MINDY4: variants seen among roughly 807,000 people sequenced by gnomAD.
The protein encoded by MINDY4 is probable ubiquitin carboxyl-terminal hydrolase MINDY-4.
In MINDY4, 68 loss-of-function variants were observed where a neutral mutation model predicts 87.0. That is an observed-to-expected ratio of 0.78 (90% confidence interval 0.64 to 0.96). The LOEUF (loss-of-function observed/expected upper bound fraction) is 0.96, where lower values mean the gene tolerates loss of function less well. Among genes scored for constraint, MINDY4 ranks in the 40% least tolerant of loss-of-function variants. The pLI is 0.00. For synonymous variants in MINDY4, 379 were observed against 363.2 expected, an observed-to-expected ratio of 1.04 and a Z score of -0.50; for missense variants, 919 against 928.2, an observed-to-expected ratio of 0.99 and a Z score of 0.13.
chr7:30,777,633 G>T, intron 1 of MINDY4, among the ~76,000 whole-genome samples: 1 of 151,934 alleles, frequency 6.6e-6, no homozygotes, highest in East Asian at 1.9e-4. Context: ...CTCTGGGAGA[G>T]GCTGAAGCCT....
At position 30,850,649 on chromosome 7, in the gene MINDY4, C is replaced by T. The variant is rs1371753075; in HGVS notation, c.1547+94C>T. 32 of 1,107,348 alleles carry T rather than the reference C, an allele frequency of 2.9e-5. No individual in the cohort carries two copies. In the East Asian group the frequency reaches 5.2e-4, roughly 18 times the overall value. The allele number at this position is 1,107,348 out of a possible 1,614,324, so 68.6% of individuals were successfully genotyped here. ...GTATGCTCCTATCCTTGGGTCCTTCCGTTACCCACCCTGTGCCACATGCTG... is the reference window on the plus strand; with the variant it reads ...GTATGCTCCTATCCTTGGGTCCTTCTGTTACCCACCCTGTGCCACATGCTG... On this transcript the variant is annotated intron_variant, in intron 10 of 17. Coordinates refer to ENST00000265299, the MANE Select transcript of MINDY4 (RefSeq NM_032222.3).
intron 14 of MINDY4, among the ~76,000 whole-genome samples, chr7:30,874,474 A>C (rs1011318695): frequency 6.6e-6 from 1 of 152,206 alleles, no homozygotes; most frequent in Non-Finnish European, 1.5e-5. Flanking sequence ...GTTATCCTGC[A>C]TAAGGAAGGG....
chr7:30,875,927 TG>T (rs1334278589), intron 15 of MINDY4, among the ~76,000 whole-genome samples: 14 of 152,152 alleles, frequency 9.2e-5, no homozygotes, highest in African/African-American at 2.9e-4. Context: ...TGGGTCACAG[TG>T]GCTGCAGCTG....
chr7:30,777,084 A>G (rs943497909), intron 1 of MINDY4, among the ~76,000 whole-genome samples: 5 of 149,154 alleles, frequency 3.4e-5, no homozygotes, highest in Admixed American at 6.7e-5. Context: ...ATCATAGCTC[A>G]CTGTGGCCTT....
At chr7:30,850,163 C>T (rs1011946168) in intron 9 of MINDY4, among the ~76,000 whole-genome samples, 1 of 152,206 alleles carries the variant, frequency 6.6e-6, no homozygotes, top group Non-Finnish European at 1.5e-5. Context: ...TTCTGGGCCC[C>T]ACCAAGCCTG....
intron 5 of MINDY4, among the ~76,000 whole-genome samples, chr7:30,803,785 A>G (rs576786451): frequency 1.3e-5 from 2 of 152,260 alleles, no homozygotes; most frequent in Admixed American, 6.5e-5. Flanking sequence ...GTGTTTTTCT[A>G]CGGCCTGCAT....
intron 7 of MINDY4, among the ~76,000 whole-genome samples, chr7:30,838,294 G>C (rs1161885892): frequency 6.6e-6 from 1 of 152,148 alleles, no homozygotes; most frequent in Non-Finnish European, 1.5e-5. Context: ...GTCTGGAGAA[G>C]ACAGCCGTGA....
chr7:30,878,716 A>C (rs116792637), intron 15 of MINDY4, among the ~76,000 whole-genome samples: 9 of 152,328 alleles, frequency 5.9e-5, no homozygotes, highest in African/African-American at 2.2e-4. Context: ...TGCCATCTTC[A>C]TGAAGGGACC....
intron 8 of MINDY4, among the ~76,000 whole-genome samples, chr7:30,840,254 C>T (rs1041553630): frequency 6.6e-6 from 1 of 152,204 alleles, no homozygotes; most frequent in Non-Finnish European, 1.5e-5. Flanking sequence ...GACAAAGATA[C>T]ACCTAATGTG....
chr7:30,773,539 A>T (rs1185654915), intron 1 of MINDY4, among the ~76,000 whole-genome samples: 1 of 151,972 alleles, frequency 6.6e-6, no homozygotes, highest in Admixed American at 6.5e-5. Flanking sequence ...ACTTGAACTC[A>T]CCAAGTGTGG....
intron 5 of MINDY4, among the ~76,000 whole-genome samples, chr7:30,809,153 C>T (rs1238002492): frequency 6.6e-6 from 1 of 152,128 alleles, no homozygotes; most frequent in Non-Finnish European, 1.5e-5. Flanking sequence ...CCCTATAACA[C>T]TCCAGTACCA....
At chr7:30,865,629 G>A (rs1363315326) in intron 13 of MINDY4, among the ~76,000 whole-genome samples, 1 of 152,232 alleles carries the variant, frequency 6.6e-6, no homozygotes, top group Non-Finnish European at 1.5e-5. Context: ...GAATCTGGAG[G>A]CTTAGCCTCA....
chr7:30,892,147 G>T lies in MINDY4; in HGVS notation c.*142G>T, dbSNP rs141610593. On this transcript the variant is annotated 3_prime_UTR_variant, in exon 18 of 18. Coordinates refer to ENST00000265299, the MANE Select transcript of MINDY4 (RefSeq NM_032222.3). ...CTGCAGAAGCATCCAGAGCCTCCCT[G>T]CCCCTTCCATGAAGGGCCCACCCAA... is the stretch of plus-strand genomic sequence containing the variant. The T allele has an allele frequency of 2.1e-5, 18 of 853,166 alleles. No homozygotes were observed. In the East Asian group the frequency reaches 4.0e-4, roughly 19 times the overall value. The allele number at this position is 853,166 out of a possible 1,614,324, so 52.8% of individuals were successfully genotyped here.
intron 15 of MINDY4, among the ~76,000 whole-genome samples, chr7:30,877,185 G>T (rs1044045043): frequency 6.6e-6 from 1 of 152,188 alleles, no homozygotes. Context: ...CGGATCCTGG[G>T]TGTGCTCTGA....
At chr7:30,855,358 C>G (rs137967557) in intron 12 of MINDY4, among the ~76,000 whole-genome samples, 2 of 152,334 alleles carry the variant, frequency 1.3e-5, no homozygotes, top group East Asian at 1.9e-4. Context: ...TGCTGTTGAT[C>G]CGGAGTGTTG....
intron 2 of MINDY4, chr7:30,781,541 AGAGC>A: frequency 6.1e-6 from 1 of 163,774 alleles, no homozygotes; most frequent in Non-Finnish European, 1.3e-5. Flanking sequence ...TGTTAGATGC[AGAGC>A]TTACAAGCTA....
At position 30,848,996 on chromosome 7, in the gene MINDY4, C is replaced by T. The variant is rs142349217; in HGVS notation, c.1446-1458C>T. Among the ~76,000 whole-genome samples the T allele has an allele frequency of 4.7e-3, 720 of 152,284 alleles. 5 individuals are homozygous for T. Among genetic ancestry groups the T allele is most frequent in the African/African-American group, 0.017 (691 of 41,558 alleles). ...CTTACAAACATCTCCTTTAAAGCCACGAGGGAGGTGCAGTGGTCATTGCCA... is the reference window on the plus strand; with the variant it reads ...CTTACAAACATCTCCTTTAAAGCCATGAGGGAGGTGCAGTGGTCATTGCCA... On this transcript the variant is annotated intron_variant, in intron 9 of 17. Transcript: ENST00000265299.
At chr7:30,804,007 T>C (rs984529250) in intron 5 of MINDY4, among the ~76,000 whole-genome samples, 5 of 152,222 alleles carry the variant, frequency 3.3e-5, no homozygotes, top group African/African-American at 1.2e-4. Context: ...CATTCAGTCC[T>C]GCTGGAGTAC....
At chr7:30,865,356 G>A (rs1285169777) in intron 13 of MINDY4, among the ~76,000 whole-genome samples, 1 of 152,246 alleles carries the variant, frequency 6.6e-6, no homozygotes, top group Admixed American at 6.5e-5. Flanking sequence ...TAGGGCAGAG[G>A]CCCCACTAAT....
Sources: allele counts gnomAD v4.1 joint callset (sites outside exome capture counted in the v4.1 genomes callset), GRCh38; gene constraint gnomAD v4.1.1; transcripts MANE v1.5; gene names NCBI Gene and HGNC (gene_info 2026-07-23, HGNC 2026-07-21).